Variants in DIS3L2 observed in about 807,000 individuals in gnomAD.
DIS3L2 encodes DIS3 like 3'-5' exoribonuclease 2.
DIS3L2 carries 34 observed loss-of-function variants against 97.5 expected under a neutral mutation model. The ratio of observed to expected loss-of-function variants is 0.35; its 90% CI spans 0.27 to 0.46. The LOEUF (loss-of-function observed/expected upper bound fraction) is 0.46, where lower values mean the gene tolerates loss of function less well. Among genes scored for constraint, DIS3L2 ranks in the 20% least tolerant of loss-of-function variants. The pLI is 1.00. For missense variants in DIS3L2, 1,038 were observed against 1,146.0 expected, an observed-to-expected ratio of 0.91 and a Z score of 1.36; for synonymous variants, 435 against 445.2, an observed-to-expected ratio of 0.98 and a Z score of 0.29.
intron 13 of DIS3L2, among the ~76,000 whole-genome samples, chr2:232,277,062 G>C (rs1391877698): frequency 6.6e-6 from 1 of 152,232 alleles, no homozygotes; most frequent in Non-Finnish European, 1.5e-5. Context: ...GTCGATCTGG[G>C]AGGTGGGGGA....
intron 6 of DIS3L2, among the ~76,000 whole-genome samples, chr2:232,107,923 A>T (rs1697399890): frequency 6.6e-6 from 1 of 152,190 alleles, no homozygotes; most frequent in African/African-American, 2.4e-5. Context: ...CCAACCGAAG[A>T]AAGCCCAGGA....
intron 1 of DIS3L2, among the ~76,000 whole-genome samples, chr2:231,984,718 C>T (rs1347592630): frequency 6.6e-6 from 1 of 152,098 alleles, no homozygotes; most frequent in Non-Finnish European, 1.5e-5. Context: ...CTCCCAGGTT[C>T]AAGCAAATCT....
At chr2:232,252,731 T>C (rs1693452624) in intron 12 of DIS3L2, among the ~76,000 whole-genome samples, 1 of 151,948 alleles carries the variant, frequency 6.6e-6, no homozygotes, top group South Asian at 2.1e-4. Flanking sequence ...TGAAACCCTG[T>C]CTCTACTAAA....
chr2:232,335,903 T>C (rs1247505671), intron 20 of DIS3L2, 29 bp downstream of exon 20: 2 of 1,549,596 alleles, frequency 1.3e-6, no homozygotes, highest in East Asian at 4.9e-5. Context: ...CCCAGCCCCC[T>C]AAGTCCTGAT....
chr2:232,106,131 T>C (rs1697352081), intron 6 of DIS3L2, among the ~76,000 whole-genome samples: 1 of 152,182 alleles, frequency 6.6e-6, no homozygotes, highest in Admixed American at 6.5e-5. Context: ...ACTTTCCAGA[T>C]CAGTCCAGTC....
Position 232,088,903 on chromosome 2 carries a change from A to C in DIS3L2, c.601+1182A>C, listed in dbSNP as rs141666098. On this transcript the variant is annotated intron_variant, in intron 6 of 20. Transcript: ENST00000325385. ...GAATTTTATGTATACTATTAATGGA[A>C]ACCGACCAACTCTGACCTGGCCAGG... Among the ~76,000 whole-genome samples, 97 of 152,318 alleles carry C rather than the reference A, an allele frequency of 6.4e-4. 1 individual carries two copies. The highest frequency in any genetic ancestry group is 2.2e-3 in the African/African-American group (93 of 41,576).
At chr2:232,263,605 C>T (rs1693779887) in intron 13 of DIS3L2, among the ~76,000 whole-genome samples, 165 bp downstream of exon 13, 2 of 152,312 alleles carry the variant, frequency 1.3e-5, no homozygotes, top group South Asian at 4.1e-4. Context: ...CTCCCATTCA[C>T]TCTCCAAATA....
chr2:232,142,595 C>T (rs1690091360), intron 8 of DIS3L2, among the ~76,000 whole-genome samples: 1 of 152,110 alleles, frequency 6.6e-6, no homozygotes, highest in Non-Finnish European at 1.5e-5. Context: ...AAGACCTTTT[C>T]TTAAATAACT....
At chr2:232,315,941 T>C (rs192722560) in intron 14 of DIS3L2, among the ~76,000 whole-genome samples, 2 of 152,232 alleles carry the variant, frequency 1.3e-5, no homozygotes, top group African/African-American at 4.8e-5. Flanking sequence ...CAAAGCTAGG[T>C]GAGACCCAGG....
intron 14 of DIS3L2, 28 bp from the exon 15 acceptor site, chr2:232,329,785 T>TCCCCGGG: frequency 8.3e-6 from 8 of 967,130 alleles, no homozygotes; most frequent in Middle Eastern, 3.5e-4. Context: ...ACCCCAGCGG[T>TCCCCGGG]CCCTCCCATC....
intron 5 of DIS3L2, among the ~76,000 whole-genome samples, chr2:232,048,344 G>C (rs570509037): frequency 6.6e-6 from 1 of 152,222 alleles, no homozygotes; most frequent in East Asian, 1.9e-4. Context: ...CTATCTCCTA[G>C]ATTGTGAATT....
At chr2:231,962,827 C>A (rs1002459137) in intron 1 of DIS3L2, among the ~76,000 whole-genome samples, 1 of 152,162 alleles carries the variant, frequency 6.6e-6, no homozygotes, top group Non-Finnish European at 1.5e-5. Context: ...TAAGTGAGAA[C>A]GTGTGGTGTT....
chr2:232,310,078 A>T (rs953077634), intron 14 of DIS3L2, among the ~76,000 whole-genome samples: 1 of 152,228 alleles, frequency 6.6e-6, no homozygotes, highest in Non-Finnish European at 1.5e-5. Context: ...CTTGGAACTG[A>T]TGCCAGCTCC....
chr2:232,068,604 A>G (rs941756130), intron 5 of DIS3L2, among the ~76,000 whole-genome samples: 2 of 151,512 alleles, frequency 1.3e-5, no homozygotes, highest in African/African-American at 4.9e-5. Flanking sequence ...TTATATGTAT[A>G]TATATTTATA....
chr2:232,294,375 G>T (rs1426167060), intron 13 of DIS3L2, among the ~76,000 whole-genome samples: 5 of 152,168 alleles, frequency 3.3e-5, no homozygotes, highest in Admixed American at 6.5e-5. Context: ...TGCTAGCTAT[G>T]CATCCGTGTT....
chr2:232,037,049 C>T lies in DIS3L2; in HGVS notation c.366+6969C>T, dbSNP rs1391449230. 6.6e-6 allele frequency among the ~76,000 whole-genome samples: 1 copy of T among 152,238 alleles called. No individual in the cohort carries two copies. The highest frequency in any genetic ancestry group is 1.5e-5 in the Non-Finnish European group (1 of 68,050). On this transcript the variant is annotated intron_variant, in intron 5 of 20. Transcript: ENST00000325385. The surrounding 1 kb of genome is among the most constrained non-coding windows in gnomAD (Gnocchi z 4.6). The stretch of plus-strand genomic sequence containing the variant: ...TCTGAGGAGGCAATCTGTCCCTTAG[C>T]AGAGCTAGAGCGCTGTGCTGGGAGA...
chr2:232,329,785 T>TGCCGGGGGGGGGC, intron 14 of DIS3L2, 28 bp from the exon 15 acceptor site: 74 of 967,114 alleles, frequency 7.7e-5, no homozygotes, highest in Non-Finnish European at 1.0e-4. Flanking sequence ...ACCCCAGCGG[T>TGCCGGGGGGGGGC]CCCTCCCATC....
intron 6 of DIS3L2, among the ~76,000 whole-genome samples, chr2:232,091,408 G>T (rs1696833139): frequency 6.6e-6 from 1 of 152,114 alleles, no homozygotes; most frequent in Admixed American, 6.5e-5. Flanking sequence ...AACATATGAA[G>T]TTTGTCTTTC....
At chr2:232,110,859 A>G (rs576313163) in intron 6 of DIS3L2, among the ~76,000 whole-genome samples, 3 of 152,234 alleles carry the variant, frequency 2.0e-5, no homozygotes, top group African/African-American at 7.2e-5. Flanking sequence ...CACATCCTGC[A>G]CATGTACCCT....
Sources: gnomAD v4.1 joint callset for allele counts (sites outside exome capture counted in the v4.1 genomes callset) on GRCh38, gnomAD v4.1.1 for gene constraint, Gnocchi (gnomAD v3.1) non-coding constraint, MANE v1.5 for transcripts, NCBI Gene and HGNC (gene_info 2026-07-23, HGNC 2026-07-21) for gene names.